The following LPP variants were observed in gnomAD, a reference collection of about 807,000 sequenced individuals.
The protein encoded by LPP is LIM domain containing preferred translocation partner in lipoma, also known as lipoma-preferred partner.
LPP carries 38 observed loss-of-function variants against 60.4 expected under a neutral mutation model. The observed-to-expected ratio is 0.63, with a 90% CI of 0.49 to 0.83. The LOEUF is 0.83. Ranked by LOEUF, LPP falls within the 40% of genes least tolerant of loss-of-function variation. The pLI is 0.00. For missense variants in LPP, 902 were observed against 783.6 expected (o/e 1.15, Z -1.80); for synonymous variants, 328 against 290.8 (o/e 1.13, Z -1.30).
intron 5 of LPP, among the ~76,000 whole-genome samples, chr3:188,509,872 TG>T (rs1560498111): frequency 2.8e-4 from 14 of 49,928 alleles, no homozygotes; most frequent in Admixed American, 1.8e-3. Flanking sequence ...TTTTTTTTGT[TG>T]TTTTTTTTTT....
intron 2 of LPP, among the ~76,000 whole-genome samples, chr3:188,255,088 A>G (rs975778422): frequency 6.6e-6 from 1 of 152,210 alleles, no homozygotes; most frequent in Non-Finnish European, 1.5e-5. Context: ...GGTTGCTTCA[A>G]CACAAGGCTG....
At chr3:188,360,031 C>T (rs1368031475) in intron 3 of LPP, among the ~76,000 whole-genome samples, 3 of 152,148 alleles carry the variant, frequency 2.0e-5, no homozygotes, top group Non-Finnish European at 4.4e-5. Flanking sequence ...ACCTCTTTTT[C>T]AACCCATTAT....
intron 7 of LPP, among the ~76,000 whole-genome samples, chr3:188,639,064 C>A (rs1459712039): frequency 1.3e-5 from 2 of 150,872 alleles, no homozygotes; most frequent in Non-Finnish European, 1.5e-5. Flanking sequence ...CCAAGTCAAT[C>A]CTAAGCCAAA....
At chr3:188,237,074 CT>C (rs376333582) in intron 2 of LPP, among the ~76,000 whole-genome samples, 10 of 149,558 alleles carry the variant, frequency 6.7e-5, no homozygotes, top group African/African-American at 9.8e-5. Flanking sequence ...ATTTGATATA[CT>C]TTTTTTTTTG....
intron 9 of LPP, among the ~76,000 whole-genome samples, chr3:188,861,520 A>G (rs1765190440): frequency 6.6e-6 from 1 of 152,210 alleles, no homozygotes; most frequent in Non-Finnish European, 1.5e-5. Flanking sequence ...TAAATACTCA[A>G]AATTGAACAC....
intron 3 of LPP, among the ~76,000 whole-genome samples, chr3:188,376,423 C>T (rs539409760): frequency 4.9e-4 from 75 of 152,214 alleles, no homozygotes; most frequent in African/African-American, 1.8e-3. Context: ...GGATAGTTAG[C>T]TCTTCTTGTT....
intron 7 of LPP, among the ~76,000 whole-genome samples, chr3:188,632,355 G>A (rs1429283948): frequency 6.6e-6 from 1 of 152,184 alleles, no homozygotes; most frequent in East Asian, 1.9e-4. Context: ...TGAGGAAGTA[G>A]CATTTGATCT....
intron 9 of LPP, among the ~76,000 whole-genome samples, chr3:188,806,695 A>T (rs182674024): frequency 2.0e-5 from 3 of 151,880 alleles, no homozygotes; most frequent in Admixed American, 1.3e-4. Context: ...TATACTCTTG[A>T]TTTTAATGTT....
At chr3:188,645,667 A>T (rs912635264) in intron 7 of LPP, among the ~76,000 whole-genome samples, 4 of 152,168 alleles carry the variant, frequency 2.6e-5, no homozygotes, top group African/African-American at 9.7e-5. Flanking sequence ...GTAGCTTCAG[A>T]TAAACCTACT....
chr3:188,781,358 A>G (rs1739589276), intron 9 of LPP, among the ~76,000 whole-genome samples: 1 of 152,170 alleles, frequency 6.6e-6, no homozygotes, highest in African/African-American at 2.4e-5. Context: ...GAGTGGAGAA[A>G]ATGACTTATA....
chr3:188,526,992 T>C (rs2150218613), intron 6 of LPP, among the ~76,000 whole-genome samples: 1 of 152,270 alleles, frequency 6.6e-6, no homozygotes, highest in Admixed American at 6.5e-5. Flanking sequence ...CATTTTCATC[T>C]GGAGGGGTGA....
At chr3:188,629,077 A>G (rs1299904132) in intron 7 of LPP, among the ~76,000 whole-genome samples, 3 of 152,170 alleles carry the variant, frequency 2.0e-5, no homozygotes, top group Non-Finnish European at 2.9e-5. Context: ...AAAAACCCTC[A>G]ACAACTTGAA....
At chr3:188,790,401 T>C (rs1382065121) in intron 9 of LPP, among the ~76,000 whole-genome samples, 1 of 152,120 alleles carries the variant, frequency 6.6e-6, no homozygotes, top group Non-Finnish European at 1.5e-5. Context: ...ATCTGATACA[T>C]GCCTGTATAA....
intron 5 of LPP, among the ~76,000 whole-genome samples, chr3:188,511,779 T>C (rs1815749398): frequency 6.6e-6 from 1 of 152,184 alleles, no homozygotes; most frequent in South Asian, 2.1e-4. Context: ...GAAAATGCTT[T>C]TCTAAACCTG....
At chr3:188,568,431 A>C (rs1832720272) in intron 6 of LPP, 1 of 152,002 alleles carries the variant, frequency 6.6e-6, no homozygotes, top group African/African-American at 2.4e-5. Context: ...CACTCAACCG[A>C]TATTGAGCAT....
chr3:188,407,788 G>GTTTTTTTTTTT (rs869082030), intron 4 of LPP, among the ~76,000 whole-genome samples: 2 of 107,614 alleles, frequency 1.9e-5, no homozygotes, highest in African/African-American at 7.9e-5. Context: ...TTGTTTGTTT[G>GTTTTTTTTTTT]TTTTTTTTTT....
At chr3:188,339,451 C>T (rs899297193) in intron 2 of LPP, among the ~76,000 whole-genome samples, 3 of 152,254 alleles carry the variant, frequency 2.0e-5, no homozygotes, top group African/African-American at 2.4e-5. Flanking sequence ...CTGCCAGAGA[C>T]CACGTAATTT....
At chr3:188,543,445 A>G (rs1825739829) in intron 6 of LPP, among the ~76,000 whole-genome samples, 2 of 152,220 alleles carry the variant, frequency 1.3e-5, no homozygotes, top group South Asian at 2.1e-4. Flanking sequence ...CAAGGCTGCA[A>G]TCAAGGTTTT....
intron 2 of LPP, among the ~76,000 whole-genome samples, chr3:188,316,453 T>A (rs970336499): frequency 1.3e-4 from 20 of 151,634 alleles, no homozygotes; most frequent in Non-Finnish European, 2.7e-4. Flanking sequence ...AAAAAAAAAA[T>A]AAGAATTGCT....
Sources: allele counts gnomAD v4.1 joint callset (sites outside exome capture counted in the v4.1 genomes callset), GRCh38; gene constraint gnomAD v4.1.1; transcripts MANE v1.5; gene names NCBI Gene and HGNC (gene_info 2026-07-23, HGNC 2026-07-21).